Variants in COL11A1 observed in about 807,000 individuals in gnomAD.
The protein encoded by COL11A1 is collagen type XI alpha 1 chain, also known as collagen alpha-1(XI) chain.
Under a neutral mutation model 265.2 loss-of-function variants are expected in COL11A1, and 74 were observed. The observed-to-expected ratio is 0.28, with a 90% CI of 0.23 to 0.34. The LOEUF (loss-of-function observed/expected upper bound fraction) is 0.34. Among genes scored for constraint, COL11A1 ranks in the 10% least tolerant of loss-of-function variants. The pLI, the probability that COL11A1 is intolerant of heterozygous loss-of-function variation, is 1.00. For synonymous variants in COL11A1, 816 were observed against 727.6 expected, an observed-to-expected ratio of 1.12 and a Z score of -1.96; for missense variants, 2,165 against 2,263.6, an observed-to-expected ratio of 0.96 and a Z score of 0.88.
At chr1:102,928,388 A>G (rs1311339038) in intron 46 of COL11A1, among the ~76,000 whole-genome samples, 1 of 151,504 alleles carries the variant, frequency 6.6e-6, no homozygotes. Flanking sequence ...ACTGAGAATG[A>G]TGATTTCCAA....
intron 4 of COL11A1, among the ~76,000 whole-genome samples, chr1:103,065,522 C>CAAAAAAAAAAAAAAAAAAA (rs138446065): frequency 5.7e-5 from 2 of 35,358 alleles, no homozygotes; most frequent in African/African-American, 2.7e-4. Context: ...GACTCCGTCT[C>CAAAAAAAAAAAAAAAAAAA]AAAAAAAAAA....
chr1:103,029,095 T>C (rs1009677331), intron 5 of COL11A1, among the ~76,000 whole-genome samples: 1 of 152,060 alleles, frequency 6.6e-6, no homozygotes, highest in African/African-American at 2.4e-5. Context: ...GTCAAGCATA[T>C]AACAATGTGA....
At chr1:103,021,971 C>T (rs571853840) in intron 8 of COL11A1, among the ~76,000 whole-genome samples, 288 of 151,212 alleles carry the variant, frequency 1.9e-3, no homozygotes, top group Non-Finnish European at 3.3e-3. Context: ...CTCAGCCTCC[C>T]GAGTAGCTGA....
intron 46 of COL11A1, among the ~76,000 whole-genome samples, chr1:102,927,650 CA>C (rs11369063): frequency 3.4e-5 from 5 of 146,370 alleles, no homozygotes; most frequent in Non-Finnish European, 6.1e-5. Flanking sequence ...CTCAAAAAAA[CA>C]AAAAAAAAAC....
At chr1:102,964,433 G>C (rs1361765938) in intron 38 of COL11A1, among the ~76,000 whole-genome samples, 1 of 152,154 alleles carries the variant, frequency 6.6e-6, no homozygotes, top group East Asian at 1.9e-4. Flanking sequence ...CAAGTAAGTA[G>C]TCATGTTTAC....
intron 11 of COL11A1, among the ~76,000 whole-genome samples, chr1:103,016,250 T>A (rs1398063272): frequency 6.7e-6 from 1 of 149,662 alleles, no homozygotes; most frequent in Non-Finnish European, 1.5e-5. Context: ...TCAAGAGAGA[T>A]ACTTTTTAAC....
intron 4 of COL11A1, among the ~76,000 whole-genome samples, chr1:103,061,413 T>C (rs190658999): frequency 2.6e-5 from 4 of 152,074 alleles, no homozygotes; most frequent in African/African-American, 9.6e-5. Context: ...TTTTCATATA[T>C]ATACTCCTAT....
At chr1:103,028,286 G>A (rs71664964) in intron 5 of COL11A1, among the ~76,000 whole-genome samples, 5,617 of 152,070 alleles carry the variant, frequency 0.037, 124 homozygotes, top group Middle Eastern at 0.092. Flanking sequence ...CGCCCGCTTC[G>A]GCCTCCCAAA....
In COL11A1 at chr1:102,894,916, C is replaced by T. The variant is rs991152517; in HGVS notation, c.4302+3209G>A. ...TCAGCCTCCCGAGTAGCTGGGATTA[C>T]AGGCGTGAGCCACCATGCCCAACCC... On this transcript the variant is annotated intron_variant, in intron 57 of 66. Transcript: ENST00000370096. 6.6e-5 allele frequency among the ~76,000 whole-genome samples: 10 copies of T among 152,170 alleles called. 1 individual carries two copies. Among genetic ancestry groups the T allele is most frequent in the African/African-American group, 2.4e-4 (10 of 41,452 alleles).
intron 35 of COL11A1, 60 bp downstream of exon 35, chr1:102,978,648 T>A (rs535601436): frequency 5.7e-5 from 89 of 1,551,124 alleles, no homozygotes; most frequent in Admixed American, 2.5e-4. Flanking sequence ...TTCTCTGAAA[T>A]CTAAATACTT....
chr1:102,905,632 A>C (rs981476546), intron 54 of COL11A1, among the ~76,000 whole-genome samples: 22 of 151,976 alleles, frequency 1.4e-4, no homozygotes, highest in Non-Finnish European at 2.5e-4. Flanking sequence ...CTACTGTTTG[A>C]CAAATCCATT....
chr1:102,971,960 C>A (rs1662018321), intron 36 of COL11A1, among the ~76,000 whole-genome samples: 1 of 152,212 alleles, frequency 6.6e-6, no homozygotes, highest in Non-Finnish European at 1.5e-5. Flanking sequence ...ATATTACATA[C>A]CCACGTATCA....
At chr1:103,055,819 C>G (rs969732316) in intron 4 of COL11A1, among the ~76,000 whole-genome samples, 4 of 152,178 alleles carry the variant, frequency 2.6e-5, no homozygotes, top group Non-Finnish European at 4.4e-5. Flanking sequence ...TTGGACACCT[C>G]TGGTATACAT....
chr1:103,051,736 A>T (rs538129873), intron 4 of COL11A1, among the ~76,000 whole-genome samples: 1 of 152,304 alleles, frequency 6.6e-6, no homozygotes, highest in South Asian at 2.1e-4. Context: ...CCATTTGGCC[A>T]TCTTGGCTCC....
At chr1:102,987,485 T>C (rs1382967769) in intron 30 of COL11A1, 148 bp downstream of exon 30, 2 of 727,410 alleles carry the variant, frequency 2.7e-6, no homozygotes, top group Non-Finnish European at 4.8e-6. Flanking sequence ...AACGTAAATG[T>C]AATGGTTGCA....
At chr1:102,999,514 C>A (rs1022889283) in intron 24 of COL11A1, among the ~76,000 whole-genome samples, 7 of 151,798 alleles carry the variant, frequency 4.6e-5, no homozygotes, top group East Asian at 3.9e-4. Flanking sequence ...GAAATTAAAT[C>A]ACAGGAAATA....
chr1:102,945,312 T>C (rs1659156299), intron 42 of COL11A1, among the ~76,000 whole-genome samples: 1 of 149,168 alleles, frequency 6.7e-6, no homozygotes, highest in Non-Finnish European at 1.5e-5. Flanking sequence ...CCATCTACCA[T>C]GGGATGATGT....
intron 4 of COL11A1, among the ~76,000 whole-genome samples, chr1:103,033,414 T>C (rs534483746): frequency 1.2e-4 from 18 of 152,210 alleles, no homozygotes; most frequent in African/African-American, 4.1e-4. Context: ...CGTTAGTGGT[T>C]ACTCTTAGAA....
At chr1:102,939,001 A>G (rs749165089) in intron 44 of COL11A1, 34 bp downstream of exon 44, 1 of 1,593,754 alleles carries the variant, frequency 6.3e-7, no homozygotes, top group South Asian at 1.1e-5. Context: ...TGTTAAATAA[A>G]TAATGTTCTC....
Sources: gnomAD v4.1 joint callset for allele counts (sites outside exome capture counted in the v4.1 genomes callset) on GRCh38, gnomAD v4.1.1 for gene constraint, MANE v1.5 for transcripts, NCBI Gene and HGNC (gene_info 2026-07-23, HGNC 2026-07-21) for gene names.